The following SUN1 variants were observed in gnomAD, a reference collection of about 807,000 sequenced individuals.
SUN1 encodes SUN domain-containing protein 1.
A neutral mutation model predicts 103.2 loss-of-function variants in SUN1; 61 were observed. That is an observed-to-expected ratio of 0.59 (90% CI 0.48 to 0.73). SUN1 has a LOEUF of 0.73. Among genes scored for constraint, SUN1 ranks in the 30% least tolerant of loss-of-function variants. The pLI is 0.00. For missense variants in SUN1, 1,052 were observed against 1,034.6 expected (o/e 1.02, Z -0.23); for synonymous variants, 490 against 425.7 (o/e 1.15, Z -1.86).
rs954910267 is a variant in SUN1, at chr7:874,160, C to A, written c.*829C>A. The A allele has an allele frequency of 9.8e-5, 15 of 152,300 alleles. No individual in the cohort carries two copies. The highest frequency in any genetic ancestry group is 1.9e-4 in the Non-Finnish European group (13 of 68,050). The allele number at this position is 152,300 out of a possible 1,614,324, so 9.4% of individuals were successfully genotyped here. ...GTTTTGCTGAATAGGGAGCGCAAGA[C>A]GCCCTGAGCCTCCCTCTCACTGGTG... On this transcript the variant is annotated 3_prime_UTR_variant, in exon 19 of 19. Transcript: ENST00000401592.
chr7:838,774 C>G (rs770591562), intron 1 of SUN1, 24 bp from the exon 2 acceptor site: 2 of 1,522,472 alleles, frequency 1.3e-6, no homozygotes, highest in Non-Finnish European at 1.8e-6. Context: ...CACTGCTTAC[C>G]TCTGATGAGC....
intron 18 of SUN1, among the ~76,000 whole-genome samples, chr7:872,870 C>T (rs1292462399): frequency 1.3e-5 from 2 of 152,136 alleles, no homozygotes; most frequent in African/African-American, 4.8e-5. Context: ...AGGCGGATCA[C>T]GAGGTCAGGA....
upstream of SUN1, among the ~76,000 whole-genome samples, chr7:830,147 G>C (rs968645829): frequency 2.6e-5 from 4 of 152,236 alleles, no homozygotes; most frequent in African/African-American, 9.6e-5. Context: ...GGTGGGGAGG[G>C]GAGTTGGGGA....
In SUN1 at chr7:857,971, A is replaced by G. The variant is rs761247555; in HGVS notation, c.1524+14A>G. 2.6e-6 allele frequency: 4 copies of G among 1,540,496 alleles called. No individual in the cohort carries two copies. The highest frequency in any genetic ancestry group is 1.4e-5 in the African/African-American group (1 of 72,408). ...GTACAAGAAAGAGTGAGCTTTCTGC[A>G]TGTTTACTTTTTGTTTTATAATAGA... is the stretch of plus-strand genomic sequence containing the variant. On this transcript the variant is annotated intron_variant, in intron 13 of 18. Transcript: ENST00000401592.
intron 15 of SUN1, among the ~76,000 whole-genome samples, chr7:864,313 T>C (rs1437501221): frequency 6.6e-6 from 1 of 152,096 alleles, no homozygotes; most frequent in African/African-American, 2.4e-5. Context: ...TCTGGGAGGC[T>C]GAGGCGGGCA....
In SUN1 at chr7:817,369, C is replaced by T. The variant is rs954207862; in HGVS notation, c.-74+696C>T. The T allele has an allele frequency of 4.1e-5, 62 of 1,519,656 alleles. No individual in the cohort carries two copies. The African/African-American group carries it at 7.4e-4, about 18-fold the overall frequency. 94.1% of individuals were successfully genotyped at this position (1,519,656 alleles called of 1,614,324 possible). A position where few individuals can be genotyped will look rare whatever the true frequency, so the allele number is the denominator to read the frequency against. ...CTGCCTGGAGGCGCGCGCGTGGTCT[C>T]CGCGCCCTGTTGCGCCTTCAAAGTG... On this transcript the variant is annotated intron_variant, in intron 1 of 17. Coordinates refer to the SUN1 transcript ENST00000389574.
intron 18 of SUN1, 24 bp downstream of exon 18, chr7:872,586 C>G (rs1000176324): frequency 6.5e-7 from 1 of 1,548,540 alleles, no homozygotes; most frequent in Non-Finnish European, 8.8e-7. Context: ...CTGGCACTGC[C>G]TGGGGTCTCT....
At chr7:825,982 C>T (rs936398117) in intron 1 of SUN1, among the ~76,000 whole-genome samples, 2 of 151,850 alleles carry the variant, frequency 1.3e-5, no homozygotes, top group Non-Finnish European at 2.9e-5. Flanking sequence ...GTAGCTCACA[C>T]GTGTAATCCC....
At chr7:850,066 C>T in intron 5 of SUN1, 1 of 1,522,406 alleles carries the variant, frequency 6.6e-7, no homozygotes, top group Non-Finnish European at 8.9e-7. Context: ...TCTCATCTCG[C>T]CCTGTCACCA....
chr7:844,396 T>C (rs1016398406), intron 5 of SUN1, among the ~76,000 whole-genome samples: 1 of 152,212 alleles, frequency 6.6e-6, no homozygotes, highest in African/African-American at 2.4e-5. Context: ...GTCTGTCTTA[T>C]CCACTCCGAG....
chr7:862,874 G>T (rs115427798), intron 15 of SUN1, among the ~76,000 whole-genome samples: 9 of 152,252 alleles, frequency 5.9e-5, no homozygotes, highest in African/African-American at 2.2e-4. Flanking sequence ...GTTTCTGGCC[G>T]GGCGCAGTGG....
At chr7:861,793 G>T (rs1832456250) in intron 15 of SUN1, among the ~76,000 whole-genome samples, 1 of 152,238 alleles carries the variant, frequency 6.6e-6, no homozygotes, top group Admixed American at 6.5e-5. Context: ...AGACTCAGCA[G>T]TGACCACACA....
chr7:873,231 C>A lies in SUN1; in HGVS notation c.2258C>A (p.Thr753Lys). The A allele has an allele frequency of 1.2e-6, 2 of 1,614,258 alleles. No homozygotes were observed. Among genetic ancestry groups the A allele is most frequent in the East Asian group, 4.5e-5 (2 of 44,890 alleles). Residue 753 changes from threonine to lysine, a missense_variant, in exon 19 of 19, where the codon ACA becomes AAA. Physicochemically the swap from Thr to Lys is moderately conservative, Grantham distance 78. Around this residue, in one of 2 missense-constraint regions of SUN1, gnomAD observed 206 missense variants for 260.1 expected, o/e 0.79. Coordinates refer to ENST00000401592, the MANE Select transcript of SUN1 (RefSeq NM_001130965.3). ...TGATTTCAGAAAAGACCCGACGACACAGCTTTCCAAATAGTGGAACTTCGG... is the reference window on the plus strand; with the variant it reads ...TGATTTCAGAAAAGACCCGACGACAAAGCTTTCCAAATAGTGGAACTTCGG... Reference protein sequence around the residue: ...MFQALKRPDDTAFQIVELRIF... With the variant: ...MFQALKRPDDKAFQIVELRIF...
intron 11 of SUN1, among the ~76,000 whole-genome samples, chr7:855,266 G>T (rs570330262): frequency 2.6e-5 from 4 of 152,240 alleles, no homozygotes; most frequent in African/African-American, 9.6e-5. Flanking sequence ...TGGTTCTGCC[G>T]ATTCCAGGCG....
At chr7:846,269 C>T (rs930119939) in intron 5 of SUN1, among the ~76,000 whole-genome samples, 5 of 151,862 alleles carry the variant, frequency 3.3e-5, no homozygotes, top group Non-Finnish European at 1.5e-5. Flanking sequence ...CTACCATGCC[C>T]GGCTAATTTT....
intron 5 of SUN1, chr7:851,170 T>TA (rs1402522577): frequency 7.9e-5 from 31 of 392,942 alleles, no homozygotes; most frequent in African/African-American, 6.0e-4. Context: ...TGAAAACTAT[T>TA]AAAAAATAGA....
intron 10 of SUN1, 81 bp downstream of exon 10, chr7:853,699 A>T (rs745839441): frequency 3.4e-6 from 5 of 1,451,658 alleles, no homozygotes; most frequent in Non-Finnish European, 4.7e-6. Flanking sequence ...TGGGAGACAG[A>T]GGGGACAGGA....
At chr7:821,688 C>T (rs932900215) in intron 1 of SUN1, among the ~76,000 whole-genome samples, 1 of 152,250 alleles carries the variant, frequency 6.6e-6, no homozygotes, top group Non-Finnish European at 1.5e-5. Context: ...CAGCGTTCAA[C>T]CCTTGCCCTT....
At chr7:832,462 C>T (rs181434284), upstream of SUN1, 46 of 1,529,396 alleles carry the variant, frequency 3.0e-5, no homozygotes, top group Non-Finnish European at 3.9e-5. Context: ...GCTCGATTTC[C>T]TGCCCGTTAA....
Sources: gnomAD v4.1 joint callset for allele counts (sites outside exome capture counted in the v4.1 genomes callset) on GRCh38, gnomAD v4.1.1 for gene constraint, gnomAD v4.1.1 regional missense constraint, MANE v1.5 for transcripts, NCBI Gene and HGNC (gene_info 2026-07-23, HGNC 2026-07-21) for gene names.